CDH12: variants seen among roughly 807,000 people sequenced by gnomAD.
The protein encoded by CDH12 is cadherin-12.
In CDH12, 41 loss-of-function variants were observed where a neutral mutation model predicts 74.1. That is an observed-to-expected ratio of 0.55 (90% confidence interval 0.43 to 0.72). The LOEUF is 0.72. Among genes scored for constraint, CDH12 ranks in the 30% least tolerant of loss-of-function variants. The pLI, the probability that CDH12 is intolerant of heterozygous loss-of-function variation, is 0.00. For synonymous variants in CDH12, 399 were observed against 355.0 expected (o/e 1.12, Z -1.39); for missense variants, 945 against 977.2 (o/e 0.97, Z 0.44).
At chr5:22,844,566 T>G (rs1737218320) in intron 1 of CDH12, among the ~76,000 whole-genome samples, 1 of 152,158 alleles carries the variant, frequency 6.6e-6, no homozygotes, top group African/African-American at 2.4e-5. Flanking sequence ...ATAAATATTT[T>G]AAAGAACATT....
At chr5:21,787,882 A>C (rs907916710) in intron 10 of CDH12, among the ~76,000 whole-genome samples, 6 of 152,176 alleles carry the variant, frequency 3.9e-5, no homozygotes, top group Middle Eastern at 3.2e-3. Flanking sequence ...CTGAACAAGA[A>C]AGCATTTCTC....
intron 8 of CDH12, among the ~76,000 whole-genome samples, chr5:21,820,582 A>G (rs1748312907): frequency 6.6e-6 from 1 of 152,018 alleles, no homozygotes; most frequent in African/African-American, 2.4e-5. Context: ...GTTCATTAAG[A>G]TAAGTGTTTC....
intron 3 of CDH12, among the ~76,000 whole-genome samples, chr5:22,318,603 T>A (rs2150435144): frequency 6.6e-6 from 1 of 152,288 alleles, no homozygotes; most frequent in South Asian, 2.1e-4. Context: ...GCAATCCAAG[T>A]AACAGGAATC....
intron 11 of CDH12, 90 bp downstream of exon 11, chr5:21,783,268 A>T: frequency 8.3e-7 from 1 of 1,211,640 alleles, no homozygotes; most frequent in South Asian, 1.5e-5. Flanking sequence ...GTCAGTCCAA[A>T]AATGAAAAAC....
At chr5:22,331,906 C>G (rs1395126241) in intron 3 of CDH12, among the ~76,000 whole-genome samples, 1 of 116,106 alleles carries the variant, frequency 8.6e-6, no homozygotes, top group Admixed American at 8.1e-5. Context: ...AACAGCAGAA[C>G]TGATCAAGAA....
intron 3 of CDH12, among the ~76,000 whole-genome samples, chr5:22,273,621 T>A (rs1736501833): frequency 6.6e-6 from 1 of 152,192 alleles, no homozygotes; most frequent in Non-Finnish European, 1.5e-5. Flanking sequence ...TCCGTGCATT[T>A]CCTACCTGAA....
chr5:22,446,188 A>G (rs1744808872), intron 2 of CDH12, among the ~76,000 whole-genome samples: 1 of 152,062 alleles, frequency 6.6e-6, no homozygotes, highest in African/African-American at 2.4e-5. Context: ...ATCAGGAGAC[A>G]CATGTCAGTT....
chr5:22,226,503 G>C (rs189201207), intron 3 of CDH12, among the ~76,000 whole-genome samples: 1 of 151,936 alleles, frequency 6.6e-6, no homozygotes, highest in Non-Finnish European at 1.5e-5. Flanking sequence ...CAGCAAGCAG[G>C]AGAATGTGGA....
chr5:22,571,939 T>C (rs998656042), intron 1 of CDH12, among the ~76,000 whole-genome samples: 1 of 152,214 alleles, frequency 6.6e-6, no homozygotes, highest in Middle Eastern at 3.4e-3. Context: ...ATTTAAAAAG[T>C]TTGAAATATT....
At chr5:22,607,788 C>T (rs1372270966) in intron 1 of CDH12, among the ~76,000 whole-genome samples, 2 of 152,196 alleles carry the variant, frequency 1.3e-5, no homozygotes, top group Non-Finnish European at 2.9e-5. Flanking sequence ...CTCAAAGAGG[C>T]CAACGTACAG....
At chr5:22,303,970 A>G (rs1455225921) in intron 3 of CDH12, among the ~76,000 whole-genome samples, 1 of 152,140 alleles carries the variant, frequency 6.6e-6, no homozygotes, top group Non-Finnish European at 1.5e-5. Flanking sequence ...ATATTTTCCA[A>G]AATGAATTAT....
At chr5:22,792,165 T>C (rs1290973601) in intron 1 of CDH12, among the ~76,000 whole-genome samples, 1 of 149,380 alleles carries the variant, frequency 6.7e-6, no homozygotes, top group Non-Finnish European at 1.5e-5. Context: ...CTCGGCTCAC[T>C]GTGACCTCCG....
At chr5:22,072,992 T>C (rs1193073327) in intron 5 of CDH12, among the ~76,000 whole-genome samples, 1 of 152,056 alleles carries the variant, frequency 6.6e-6, no homozygotes, top group South Asian at 2.1e-4. Flanking sequence ...ATATGTAAAA[T>C]AGCAATAATA....
chr5:22,217,297 T>A (rs1306722898), intron 3 of CDH12, among the ~76,000 whole-genome samples: 1 of 151,828 alleles, frequency 6.6e-6, no homozygotes, highest in Admixed American at 6.6e-5. Context: ...ATGTTAGCCA[T>A]CCTCTCTATT....
At chr5:22,095,361 T>C (rs1356776969) in intron 4 of CDH12, among the ~76,000 whole-genome samples, 1 of 152,134 alleles carries the variant, frequency 6.6e-6, no homozygotes, top group East Asian at 1.9e-4. Context: ...GTTTTATCTG[T>C]GGACCCAAAA....
In CDH12 at chr5:22,460,713, A is replaced by ATTTTTTTTTTTTTTT. The variant is rs3039460; in HGVS notation, c.-428+44542_-428+44556dup. Among the ~76,000 whole-genome samples the ATTTTTTTTTTTTTTT allele has an allele frequency of 4.8e-4, 41 of 85,600 alleles. 3 individuals are homozygous for ATTTTTTTTTTTTTTT. Among genetic ancestry groups the ATTTTTTTTTTTTTTT allele is most frequent in the African/African-American group, 2.0e-3 (39 of 19,768 alleles). The allele number at this position is 85,600 out of a possible 152,430, so 56.2% of individuals were successfully genotyped here. A position where few individuals can be genotyped will look rare whatever the true frequency, so the allele number is the denominator to read the frequency against. On this transcript the variant is annotated intron_variant, in intron 2 of 14. Transcript: ENST00000382254. ...AGAGAACAGTTGATGATATCTAGCA[A>ATTTTTTTTTTTTTTT]TTTTTTTTTTTTTTTTTTTTTTTTT...
At chr5:22,328,285 A>G (rs1197406184) in intron 3 of CDH12, among the ~76,000 whole-genome samples, 1 of 152,180 alleles carries the variant, frequency 6.6e-6, no homozygotes, top group Non-Finnish European at 1.5e-5. Flanking sequence ...TTATTGTCAA[A>G]TTGCTTCATT....
At chr5:21,945,984 G>GA (rs59874050) in intron 6 of CDH12, among the ~76,000 whole-genome samples, 8,925 of 146,616 alleles carry the variant, frequency 0.061, 711 homozygotes, top group African/African-American at 0.19. Flanking sequence ...TTCTGGAAAT[G>GA]AAAAAAAAAA....
intron 6 of CDH12, among the ~76,000 whole-genome samples, chr5:21,918,390 C>G (rs1194520953): frequency 6.6e-6 from 1 of 150,990 alleles, no homozygotes. Flanking sequence ...CTTTTTTTTT[C>G]AGCAAAGCAT....
Sources: gnomAD v4.1 joint callset for allele counts (sites outside exome capture counted in the v4.1 genomes callset) on GRCh38, gnomAD v4.1.1 for gene constraint, MANE v1.5 for transcripts, NCBI Gene and HGNC (gene_info 2026-07-23, HGNC 2026-07-21) for gene names.